The following PPFIA2 variants were observed in gnomAD, a reference collection of about 807,000 sequenced individuals.
The protein encoded by PPFIA2 is liprin-alpha-2.
PPFIA2 carries 46 observed loss-of-function variants against 175.5 expected under a neutral mutation model. That is an observed-to-expected ratio of 0.26 (90% confidence interval 0.21 to 0.34). The LOEUF is 0.34. PPFIA2 is among the 10% of genes least tolerant of loss of function. The pLI, the probability that PPFIA2 is intolerant of heterozygous loss-of-function variation, is 1.00. For synonymous variants in PPFIA2, 568 were observed against 511.4 expected (o/e 1.11, Z -1.49); for missense variants, 1,179 against 1,506.1 (o/e 0.78, Z 3.60).
intron 4 of PPFIA2, among the ~76,000 whole-genome samples, chr12:81,516,369 T>C (rs894376296): frequency 6.6e-6 from 1 of 152,198 alleles, no homozygotes; most frequent in African/African-American, 2.4e-5. Flanking sequence ...TTTCCAATTA[T>C]AATTTGATAT....
chr12:81,302,852 T>A (rs1057487586), intron 22 of PPFIA2, among the ~76,000 whole-genome samples: 1 of 152,122 alleles, frequency 6.6e-6, no homozygotes, highest in South Asian at 2.1e-4. Context: ...AGACAAGCAA[T>A]GCTAGAAAAA....
intron 4 of PPFIA2, among the ~76,000 whole-genome samples, chr12:81,610,914 G>C (rs568576221): frequency 3.9e-5 from 6 of 152,174 alleles, no homozygotes; most frequent in Non-Finnish European, 8.8e-5. Context: ...TGCTTTCAGA[G>C]CACCAGGGCT....
chr12:81,412,899 T>C (rs939568648), intron 7 of PPFIA2, among the ~76,000 whole-genome samples: 4 of 152,094 alleles, frequency 2.6e-5, no homozygotes, highest in Admixed American at 1.3e-4. Flanking sequence ...TCTAGCTTAC[T>C]GAAAGGCTTC....
intron 8 of PPFIA2, among the ~76,000 whole-genome samples, chr12:81,391,464 T>TAGAATA (rs2040106194): frequency 6.6e-6 from 1 of 151,868 alleles, no homozygotes; most frequent in African/African-American, 2.4e-5. Flanking sequence ...AAACTTTGGG[T>TAGAATA]ACCAGATAGA....
rs759305835 is a variant in PPFIA2 at position 81,284,226 on chromosome 12, G to A, written c.2988+15C>T. 1.9e-6 allele frequency: 3 copies of A among 1,548,950 alleles called. No individual in the cohort carries two copies. Among genetic ancestry groups the A allele is most frequent in the Non-Finnish European group, 2.7e-6 (3 of 1,125,910 alleles). On this transcript the variant is annotated intron_variant, in intron 25 of 32. Coordinates refer to ENST00000549396, the MANE Select transcript of PPFIA2 (RefSeq NM_003625.5). ...GTCACTTTCCTTCAGGTTCAACAAA[G>A]CCATTAAGACTAACCGTTTTTGCTG...
rs2059306785 is a variant in PPFIA2, at chr12:81,596,912, G to A, written c.303+79879C>T. Among the ~76,000 whole-genome samples the A allele has an allele frequency of 2.0e-5, 3 of 152,122 alleles. 1 individual carries two copies. Among genetic ancestry groups the A allele is most frequent in the African/African-American group, 7.2e-5 (3 of 41,540 alleles). On this transcript the variant is annotated intron_variant, in intron 4 of 32. Coordinates refer to ENST00000549396, the MANE Select transcript of PPFIA2 (RefSeq NM_003625.5). Reference sequence around the variant, plus strand: ...ATTAAAAATAGAAGTATAGAAAGGGGAGAGAGAAAGAGTAATTATATCTAC... The same window carrying A: ...ATTAAAAATAGAAGTATAGAAAGGGAAGAGAGAAAGAGTAATTATATCTAC...
Position 81,339,166 on chromosome 12 carries a change from A to G in PPFIA2, c.2548+14T>C. The G allele has an allele frequency of 6.4e-7, 1 of 1,566,684 alleles. No individual in the cohort carries two copies. Among genetic ancestry groups the G allele is most frequent in the Non-Finnish European group, 8.6e-7 (1 of 1,157,682 alleles). ...ATGAGTGGCAGTGGAAAGTCTTAAC[A>G]CATGCATACTTACGGAGCTGCCCAA... On this transcript the variant is annotated intron_variant, in intron 21 of 32. Coordinates refer to ENST00000549396, the MANE Select transcript of PPFIA2 (RefSeq NM_003625.5).
intron 8 of PPFIA2, among the ~76,000 whole-genome samples, chr12:81,390,048 C>T (rs1470481237): frequency 2.0e-5 from 3 of 151,996 alleles, no homozygotes; most frequent in South Asian, 4.1e-4. Context: ...TGTGTTCTTT[C>T]GTGACTAGTT....
At chr12:81,710,839 G>A (rs2077805564) in intron 3 of PPFIA2, among the ~76,000 whole-genome samples, 1 of 151,354 alleles carries the variant, frequency 6.6e-6, no homozygotes, top group Non-Finnish European at 1.5e-5. Context: ...TTTGGGTGTT[G>A]GAGCATTTGG....
At chr12:81,392,475 AT>A (rs2040314659) in intron 8 of PPFIA2, among the ~76,000 whole-genome samples, 1 of 151,862 alleles carries the variant, frequency 6.6e-6, no homozygotes, top group African/African-American at 2.4e-5. Context: ...ATTGGATGAG[AT>A]CACCTGTGGA....
At chr12:81,407,973 A>AGCATTT in intron 7 of PPFIA2, among the ~76,000 whole-genome samples, 1 of 152,354 alleles carries the variant, frequency 6.6e-6, no homozygotes, top group East Asian at 1.9e-4. Flanking sequence ...CATTGAAAAC[A>AGCATTT]GCATTTTCAT....
chr12:81,559,462 A>G (rs2069526622), intron 4 of PPFIA2, among the ~76,000 whole-genome samples: 1 of 152,208 alleles, frequency 6.6e-6, no homozygotes, highest in Non-Finnish European at 1.5e-5. Flanking sequence ...TATTGGGAGA[A>G]AAATAATTTT....
At chr12:81,481,733 A>T (rs180696213) in intron 4 of PPFIA2, among the ~76,000 whole-genome samples, 91 of 152,296 alleles carry the variant, frequency 6.0e-4, no homozygotes, top group African/African-American at 2.2e-3. Context: ...CTCATACAAA[A>T]ATTAACTCAA....
intron 3 of PPFIA2, among the ~76,000 whole-genome samples, chr12:81,689,829 A>T (rs189577778): frequency 6.6e-6 from 1 of 152,238 alleles, no homozygotes; most frequent in East Asian, 1.9e-4. Flanking sequence ...CAGCATTCAA[A>T]TGAGCCACAC....
chr12:81,568,745 T>G (rs1006689422), intron 4 of PPFIA2, among the ~76,000 whole-genome samples: 20 of 152,162 alleles, frequency 1.3e-4, no homozygotes, highest in African/African-American at 4.1e-4. Context: ...TTACATCAGC[T>G]TCATGCCTGG....
intron 4 of PPFIA2, among the ~76,000 whole-genome samples, chr12:81,572,540 T>A (rs1319624258): frequency 1.3e-5 from 2 of 152,120 alleles, no homozygotes; most frequent in South Asian, 2.1e-4. Context: ...CTACCACATA[T>A]CACATGTCCA....
At chr12:81,428,467 GA>G (rs1343499469) in intron 7 of PPFIA2, among the ~76,000 whole-genome samples, 2 of 151,866 alleles carry the variant, frequency 1.3e-5, no homozygotes, top group African/African-American at 2.4e-5. Context: ...AAAACACCTT[GA>G]TTTTTTTTGT....
intron 15 of PPFIA2, among the ~76,000 whole-genome samples, chr12:81,360,671 C>T (rs976486342): frequency 6.6e-6 from 1 of 151,678 alleles, no homozygotes; most frequent in African/African-American, 2.4e-5. Context: ...AGTTCTCATG[C>T]ACCTCCTATT....
chr12:81,664,930 C>T (rs1432951191), intron 4 of PPFIA2, among the ~76,000 whole-genome samples: 2 of 151,700 alleles, frequency 1.3e-5, no homozygotes, highest in Non-Finnish European at 2.9e-5. Flanking sequence ...AGCAAACTAT[C>T]ACAAGGACAA....
Sources: allele counts gnomAD v4.1 joint callset (sites outside exome capture counted in the v4.1 genomes callset), GRCh38; gene constraint gnomAD v4.1.1; transcripts MANE v1.5; gene names NCBI Gene and HGNC (gene_info 2026-07-23, HGNC 2026-07-21).